Variants in CWH43 observed in about 807,000 individuals in gnomAD.
The protein encoded by CWH43 is PGAP2-interacting protein.
A neutral mutation model predicts 85.7 loss-of-function variants in CWH43; 91 were observed. The observed-to-expected ratio is 1.06, with a 90% CI of 0.90 to 1.26. The LOEUF (loss-of-function observed/expected upper bound fraction) is 1.26, where lower values mean the gene tolerates loss of function less well. Ranked by LOEUF, CWH43 falls within the 50% of genes most tolerant of loss-of-function variation. The probability of loss-of-function intolerance (pLI) is 0.00; values close to 1 mark genes in which losing one functional copy is unlikely to be tolerated. For synonymous variants in CWH43, 323 were observed against 293.6 expected, an observed-to-expected ratio of 1.10 and a Z score of -1.02; for missense variants, 869 against 839.2, an observed-to-expected ratio of 1.04 and a Z score of -0.44.
intron 1 of CWH43, among the ~76,000 whole-genome samples, chr4:48,987,638 G>A (rs1363452577): frequency 2.0e-5 from 3 of 152,190 alleles, no homozygotes; most frequent in African/African-American, 7.2e-5. Context: ...TAAGGAATGA[G>A]ACAGATGGTA....
At chr4:49,053,718 T>TA (rs1211685788) in intron 15 of CWH43, among the ~76,000 whole-genome samples, 1 of 152,152 alleles carries the variant, frequency 6.6e-6, no homozygotes, top group Non-Finnish European at 1.5e-5. Context: ...ACATCTCAAG[T>TA]AAAAAAATCC....
intron 13 of CWH43, among the ~76,000 whole-genome samples, chr4:49,043,337 G>C (rs925183011): frequency 2.6e-5 from 4 of 152,140 alleles, no homozygotes; most frequent in African/African-American, 9.7e-5. Context: ...GATGAAATTT[G>C]GCAAGTCTAT....
intron 4 of CWH43, among the ~76,000 whole-genome samples, chr4:48,994,053 C>A (rs1434379798): frequency 6.6e-6 from 1 of 152,172 alleles, no homozygotes; most frequent in Non-Finnish European, 1.5e-5. Context: ...CGAGCCACTG[C>A]ATCTGGCCCT....
Position 49,038,017 on chromosome 4 carries a change from A to T in CWH43, c.1659-19A>T. 6.3e-7 allele frequency: 1 copy of T among 1,587,754 alleles called. No individual in the cohort carries two copies. The highest frequency in any genetic ancestry group is 1.2e-5 in the South Asian group (1 of 86,060). ...TGTTTTACAAATACAATAAAGGGTC[A>T]TATTTTTACATTTTTTAGAGATGAC... is the stretch of plus-strand genomic sequence containing the variant. On this transcript the variant is annotated intron_variant, in intron 12 of 15. Transcript: ENST00000226432.
At chr4:49,052,809 T>C (rs1284700335) in intron 15 of CWH43, among the ~76,000 whole-genome samples, 1 of 152,194 alleles carries the variant, frequency 6.6e-6, no homozygotes, top group African/African-American at 2.4e-5. Flanking sequence ...GTAATATTAA[T>C]CACACCTTAG....
At chr4:49,012,580 C>T (rs1183452263) in intron 8 of CWH43, among the ~76,000 whole-genome samples, 1 of 152,206 alleles carries the variant, frequency 6.6e-6, no homozygotes, top group South Asian at 2.1e-4. Context: ...TTTGGCTTTT[C>T]TGATCTGGTT....
intron 11 of CWH43, among the ~76,000 whole-genome samples, chr4:49,031,566 TAGAG>T (rs1385450219): frequency 6.6e-6 from 1 of 152,048 alleles, no homozygotes; most frequent in African/African-American, 2.4e-5. Flanking sequence ...AACCTGATCA[TAGAG>T]AGCTCCATTT....
At position 49,007,331 on chromosome 4, in the gene CWH43, G is replaced by A. The variant is rs1179209563; in HGVS notation, c.1186+5G>A. Reference sequence around the variant, plus strand: ...GTGAAAAATACATGAAACTTTGTAAGTATAGTTTTACATTCTTAAAAAAAA... The same window carrying A: ...GTGAAAAATACATGAAACTTTGTAAATATAGTTTTACATTCTTAAAAAAAA... On this transcript the variant is annotated splice_donor_5th_base_variant and intron_variant, in intron 8 of 15. Transcript: ENST00000226432. 4 of 1,577,110 alleles carry A rather than the reference G, an allele frequency of 2.5e-6. No homozygotes were observed. Among genetic ancestry groups the A allele is most frequent in the Non-Finnish European group, 3.4e-6 (4 of 1,166,536 alleles).
intron 12 of CWH43, among the ~76,000 whole-genome samples, chr4:49,036,524 G>C (rs1460130566): frequency 5.3e-5 from 8 of 152,092 alleles, no homozygotes; most frequent in African/African-American, 1.9e-4. Flanking sequence ...ACTCAACAAG[G>C]TTTCTCCAGT....
At chr4:49,017,148 G>T in intron 8 of CWH43, 101 bp from the exon 9 acceptor site, 3 of 955,850 alleles carry the variant, frequency 3.1e-6, no homozygotes, top group Admixed American at 2.0e-5. Flanking sequence ...TTCCTGGAGG[G>T]TGCCATGGCA....
Position 49,028,446 on chromosome 4 carries a change from G to T in CWH43, c.1267-183G>T, listed in dbSNP as rs148005967. Among the ~76,000 whole-genome samples, 752 of 152,312 alleles carry T rather than the reference G, an allele frequency of 4.9e-3. 1 individual carries two copies. Among genetic ancestry groups the T allele is most frequent in the Middle Eastern group, 0.014 (4 of 294 alleles). ...AAACTTAAGCTAGAAGTTCACAGAA[G>T]ACTAATTTGAGAATGCCATATAGCA... On this transcript the variant is annotated intron_variant, in intron 9 of 15. Coordinates refer to ENST00000226432, the MANE Select transcript of CWH43 (RefSeq NM_025087.3).
At chr4:49,024,781 G>T (rs1783854655) in intron 9 of CWH43, among the ~76,000 whole-genome samples, 1 of 152,030 alleles carries the variant, frequency 6.6e-6, no homozygotes, top group South Asian at 2.1e-4. Flanking sequence ...TACCTCTTAA[G>T]ATTCTTTTTT....
chr4:49,047,217 G>T (rs1192334342), intron 14 of CWH43, among the ~76,000 whole-genome samples: 1 of 152,168 alleles, frequency 6.6e-6, no homozygotes, highest in South Asian at 2.1e-4. Context: ...GGCTTGTTTG[G>T]TTATGAATTA....
rs1435953131 is a variant in CWH43 at position 49,007,308 on chromosome 4, G to GA, written c.1173dup (p.Tyr392IlefsTer22). ...TTCTAAAGTGCTTTTCAGAAAGAGT[G>GA]AAAAATACATGAAACTTTGTAAGTA... On this transcript the variant is annotated frameshift_variant, in exon 8 of 16. Coordinates refer to ENST00000226432, the MANE Select transcript of CWH43 (RefSeq NM_025087.3). LOFTEE classifies it high-confidence loss of function. 2 of 1,597,774 alleles carry GA rather than the reference G, an allele frequency of 1.3e-6. No individual in the cohort carries two copies. Among genetic ancestry groups the GA allele is most frequent in the African/African-American group, 1.3e-5 (1 of 74,244 alleles).
In CWH43 at chr4:49,032,559, A is replaced by G. The variant is rs1263992508; in HGVS notation, c.1509-7A>G. 1.2e-6 allele frequency: 2 copies of G among 1,613,862 alleles called. No individual in the cohort carries two copies. The highest frequency in any genetic ancestry group is 3.3e-5 in the Admixed American group (2 of 60,008). On this transcript the variant is annotated splice_region_variant and splice_polypyrimidine_tract_variant and intron_variant, in intron 11 of 15. Transcript: ENST00000226432. ...TGATGCCCATGTCTCTTTTCATTCCAATACAGGATTATGGCTTTGTCAAGA... is the reference window on the plus strand; with the variant it reads ...TGATGCCCATGTCTCTTTTCATTCCGATACAGGATTATGGCTTTGTCAAGA...
chr4:49,061,373 C>G (rs1242665557), intron 15 of CWH43, among the ~76,000 whole-genome samples: 1 of 152,178 alleles, frequency 6.6e-6, no homozygotes, highest in Non-Finnish European at 1.5e-5. Flanking sequence ...TCTATCATAT[C>G]AACCAGAGCT....
rs202039693 is a variant in CWH43 at position 49,032,701 on chromosome 4, C to G, written c.1644C>G (p.His548Gln). 2.5e-6 allele frequency: 4 copies of G among 1,613,952 alleles called. No homozygotes were observed. Among genetic ancestry groups the G allele is most frequent in the Non-Finnish European group, 3.4e-6 (4 of 1,179,924 alleles). ...SGKLVDFVVTHFGNHEDDLDR... is the reference protein window; with the variant it reads ...SGKLVDFVVTQFGNHEDDLDR... ...AGCTGGTGGATTTTGTCGTGACACA[C>G]TTTGGGAACCACGAGTGGGTTTCTT... Residue 548 changes from histidine to glutamine, a missense_variant, in exon 12 of 16, where the codon CAC becomes CAG. Physicochemically the swap from His to Gln is conservative, Grantham distance 24 (BLOSUM62 0). Coordinates refer to ENST00000226432, the MANE Select transcript of CWH43 (RefSeq NM_025087.3).
At chr4:49,053,804 CAG>C (rs1233466242) in intron 15 of CWH43, among the ~76,000 whole-genome samples, 2 of 152,142 alleles carry the variant, frequency 1.3e-5, no homozygotes, top group Non-Finnish European at 2.9e-5. Flanking sequence ...TGGGGCATTT[CAG>C]ATTTTGTACT....
chr4:49,032,812 C>CT (rs1362757619), intron 12 of CWH43, 97 bp downstream of exon 12: 1 of 1,426,036 alleles, frequency 7.0e-7, no homozygotes, highest in Non-Finnish European at 9.7e-7. Context: ...TCATTTTCTT[C>CT]TTTTTTACCT....
Sources: gnomAD v4.1 joint callset for allele counts (sites outside exome capture counted in the v4.1 genomes callset) on GRCh38, gnomAD v4.1.1 for gene constraint, MANE v1.5 for transcripts, NCBI Gene and HGNC (gene_info 2026-07-23, HGNC 2026-07-21) for gene names.